The following NFKB2 variants were observed in gnomAD, a reference collection of about 807,000 sequenced individuals.
NFKB2 encodes nuclear factor kappa B subunit 2, also known as nuclear factor NF-kappa-B p100 subunit.
Under a neutral mutation model 109.3 loss-of-function variants are expected in NFKB2, and 21 were observed. The observed-to-expected ratio is 0.19, with a 90% CI of 0.14 to 0.28. The LOEUF (loss-of-function observed/expected upper bound fraction) is 0.28. Among genes scored for constraint, NFKB2 ranks in the 10% least tolerant of loss-of-function variants. The probability of loss-of-function intolerance (pLI) is 1.00; values close to 1 mark genes in which losing one functional copy is unlikely to be tolerated. For synonymous variants in NFKB2, 478 were observed against 489.9 expected (o/e 0.98, Z 0.32); for missense variants, 806 against 1,185.3 (o/e 0.68, Z 4.70).
intron 22 of NFKB2, 25 bp from the exon 23 acceptor site, chr10:102,402,227 C>A: frequency 6.4e-7 from 1 of 1,551,134 alleles, no homozygotes; most frequent in Non-Finnish European, 8.7e-7. Flanking sequence ...TTGACTATCC[C>A]ATTCCTGTCC....
In NFKB2 at chr10:102,396,529, T is replaced by C. The variant is rs772671210; in HGVS notation, c.144+40T>C. 5.0e-6 allele frequency: 8 copies of C among 1,613,118 alleles called. No homozygotes were observed. The East Asian group carries it at 6.7e-5, about 13-fold the overall frequency. The stretch of plus-strand genomic sequence containing the variant: ...GGGAGGGTGTGGAATGGCTTCAGCT[T>C]TGGGGACAAATGGGGTAGTGGTAGC... On this transcript the variant is annotated intron_variant, in intron 4 of 22. Coordinates refer to ENST00000661543, the MANE Select transcript of NFKB2 (RefSeq NM_001322934.2). The surrounding 1 kb of genome is among the most constrained non-coding windows in gnomAD (Gnocchi z 5.9).
chr10:102,401,175 C>G lies in NFKB2; in HGVS notation c.2072-5C>G, dbSNP rs1004053694. The G allele has an allele frequency of 1.9e-6, 3 of 1,591,162 alleles. No individual in the cohort carries two copies. Among genetic ancestry groups the G allele is most frequent in the Non-Finnish European group, 2.6e-6 (3 of 1,165,686 alleles). On this transcript the variant is annotated splice_polypyrimidine_tract_variant and splice_region_variant and intron_variant, in intron 18 of 22. Transcript: ENST00000661543. The surrounding 1 kb of genome is among the most constrained non-coding windows in gnomAD (Gnocchi z 4.2). ...TACCGCCCCATGACGGCCTCCCTCTCCCAGGTGCTGACATCCATGCTGAAA... is the reference window on the plus strand; with the variant it reads ...TACCGCCCCATGACGGCCTCCCTCTGCCAGGTGCTGACATCCATGCTGAAA...
chr10:102,401,137 T>C lies in NFKB2; in HGVS notation c.2072-43T>C. 6.2e-7 allele frequency: 1 copy of C among 1,604,152 alleles called. No individual in the cohort carries two copies. Among genetic ancestry groups the C allele is most frequent in the Non-Finnish European group, 8.5e-7 (1 of 1,172,960 alleles). ...TCCCCCGACTTTGCAGTCCTTAATG[T>C]AGGCCCCCACCATACCGCCCCATGA... On this transcript the variant is annotated intron_variant, in intron 18 of 22. Coordinates refer to ENST00000661543, the MANE Select transcript of NFKB2 (RefSeq NM_001322934.2). This position sits in a 1 kb window ranked among gnomAD's most constrained non-coding sequence, Gnocchi z 4.2.
At position 102,400,886 on chromosome 10, in the gene NFKB2, A is replaced by C; in HGVS notation, c.1969-61A>C. On this transcript the variant is annotated intron_variant, in intron 17 of 22. Transcript: ENST00000661543. This position sits in a 1 kb window ranked among gnomAD's most constrained non-coding sequence, Gnocchi z 6.3. ...GTGGTGGAGGGGCCAAAGATGGTGA[A>C]GGGGGGGGCTGGCCAAGGGGACCAT... 3 of 1,521,744 alleles carry C rather than the reference A, an allele frequency of 2.0e-6. No individual in the cohort carries two copies. The highest frequency in any genetic ancestry group is 1.2e-5 in the South Asian group (1 of 86,202). The allele number at this position is 1,521,744 out of a possible 1,614,324, so 94.3% of individuals were successfully genotyped here. A position where few individuals can be genotyped will look rare whatever the true frequency, so the allele number is the denominator to read the frequency against.
rs1034430487 is a variant in NFKB2, at chr10:102,400,006, A to G, written c.1470-74A>G. 5.5e-6 allele frequency: 8 copies of G among 1,446,304 alleles called. No individual in the cohort carries two copies. The highest frequency in any genetic ancestry group is 1.2e-5 in the South Asian group (1 of 85,952). The allele number at this position is 1,446,304 out of a possible 1,614,324, so 89.6% of individuals were successfully genotyped here. ...TCCATGGGCCCCAGCGAGGGAGACT[A>G]TGAGGGCGGTGGGGCCTTGAAAGCG... is the stretch of plus-strand genomic sequence containing the variant. On this transcript the variant is annotated intron_variant, in intron 14 of 22. Transcript: ENST00000661543. The surrounding 1 kb of genome is among the most constrained non-coding windows in gnomAD (Gnocchi z 6.3).
At chr10:102,394,287 C>T (rs1286306516), upstream of NFKB2, 2 of 152,268 alleles carry the variant, frequency 1.3e-5, no homozygotes, top group Non-Finnish European at 2.9e-5. Flanking sequence ...CAGCGGGTAC[C>T]TTCTCGGCGG....
Position 102,399,653 on chromosome 10 carries a change from G to A in NFKB2, c.1404G>A (p.Ala468=), listed in dbSNP as rs1160624553. The A allele has an allele frequency of 7.8e-6, 12 of 1,534,964 alleles. No homozygotes were observed. Among genetic ancestry groups the A allele is most frequent in the South Asian group, 4.8e-5 (4 of 83,052 alleles). ...ARALLDYGVT[A]DARALLAGQR... ...CCCTACTCGACTACGGCGTCACCGC[G>A]GACGCGCGCGCGCTGCTGGCGGGAC... The change falls in exon 14 of 23, where the codon GCG becomes GCA. Residue 468 remains alanine (A), a synonymous_variant. Coordinates refer to ENST00000661543, the MANE Select transcript of NFKB2 (RefSeq NM_001322934.2).
chr10:102,396,707 A>G lies in NFKB2; in HGVS notation c.145-18A>G. ...GGTCTTCCCTGATCACAATGCTACTATGCCCTTGGACCTTCAGAGAGGCTT... is the reference window on the plus strand; with the variant it reads ...GGTCTTCCCTGATCACAATGCTACTGTGCCCTTGGACCTTCAGAGAGGCTT... On this transcript the variant is annotated intron_variant, in intron 4 of 22. Transcript: ENST00000661543. This position sits in a 1 kb window ranked among gnomAD's most constrained non-coding sequence, Gnocchi z 5.9. 6.2e-7 allele frequency: 1 copy of G among 1,607,370 alleles called. No homozygotes were observed. Among genetic ancestry groups the G allele is most frequent in the Admixed American group, 1.7e-5 (1 of 59,924 alleles).
At position 102,399,627 on chromosome 10, in the gene NFKB2, G is replaced by A. The variant is rs778522439; in HGVS notation, c.1378G>A (p.Ala460Thr). ...CGGCCTGGCGCAGCGCAGCGCCCGA[G>A]CCCTACTCGACTACGGCGTCACCGC... is the stretch of plus-strand genomic sequence containing the variant. ...LFGLAQRSAR[A>T]LLDYGVTADA... Residue 460 changes from alanine (A) to threonine (T), a missense_variant, in exon 14 of 23, where the codon GCC (alanine) becomes ACC (threonine). Coordinates refer to ENST00000661543, the MANE Select transcript of NFKB2 (RefSeq NM_001322934.2). 8.4e-6 allele frequency: 13 copies of A among 1,545,262 alleles called. No individual in the cohort carries two copies. The highest frequency in any genetic ancestry group is 1.2e-5 in the South Asian group (1 of 83,774).
chr10:102,402,172 C>A lies in NFKB2; in HGVS notation c.2578+13C>A. On this transcript the variant is annotated intron_variant, in intron 22 of 22. Coordinates refer to ENST00000661543, the MANE Select transcript of NFKB2 (RefSeq NM_001322934.2). The stretch of plus-strand genomic sequence containing the variant: ...CTGCCCAGCACAGGTAAAGGGGCCT[C>A]CCTGGAAGGTGGATCTGGACCTGGA... 1 of 1,561,548 alleles carries A rather than the reference C, an allele frequency of 6.4e-7. No individual in the cohort carries two copies.
rs1379133748 is a variant in NFKB2 at position 102,396,305 on chromosome 10, T to C, written c.74T>C (p.Val25Ala). 40 of 1,613,438 alleles carry C rather than the reference T, an allele frequency of 2.5e-5. No homozygotes were observed. The highest frequency in any genetic ancestry group is 4.5e-5 in the East Asian group (2 of 44,878). ...GATTTCAAATTGAACTCCTCCATTG[T>C]GGAACCCAAGGAGCCAGCCCCAGAA... ...YDDFKLNSSI[V>A]EPKEPAPETA... The change falls in exon 3 of 23, where the codon GTG becomes GCG. Residue 25 changes from valine to alanine, a missense_variant. Transcript: ENST00000661543. This position sits in a 1 kb window ranked among gnomAD's most constrained non-coding sequence, Gnocchi z 5.9.
chr10:102,398,164 C>T lies in NFKB2; in HGVS notation c.767-48C>T. On this transcript the variant is annotated intron_variant, in intron 9 of 22. Coordinates refer to ENST00000661543, the MANE Select transcript of NFKB2 (RefSeq NM_001322934.2). The surrounding 1 kb of genome is among the most constrained non-coding windows in gnomAD (Gnocchi z 6.6). ...CAGGGAAGCTCTAGGGTAAATGGCC[C>T]CAGAGATTCCACCGGGAGCTGTGGC... is the stretch of plus-strand genomic sequence containing the variant. The T allele has an allele frequency of 1.9e-6, 3 of 1,613,150 alleles. No homozygotes were observed. Among genetic ancestry groups the T allele is most frequent in the Non-Finnish European group, 2.5e-6 (3 of 1,179,214 alleles).
chr10:102,399,633 C>T lies in NFKB2; in HGVS notation c.1384C>T (p.Leu462Phe). The T allele has an allele frequency of 1.3e-6, 2 of 1,543,544 alleles. No individual in the cohort carries two copies. The highest frequency in any genetic ancestry group is 2.5e-5 in the East Asian group (1 of 40,552). Reference sequence around the variant, plus strand: ...GGCGCAGCGCAGCGCCCGAGCCCTACTCGACTACGGCGTCACCGCGGACGC... The same window carrying T: ...GGCGCAGCGCAGCGCCCGAGCCCTATTCGACTACGGCGTCACCGCGGACGC... ...GLAQRSARAL[L>F]DYGVTADARA... Residue 462 changes from leucine to phenylalanine, a missense_variant, in exon 14 of 23, where the codon CTC becomes TTC. This residue lies in a region of NFKB2 where 209 missense variants were observed against 211.9 expected (regional missense o/e 0.99). Transcript: ENST00000661543.
rs1302676668 is a variant in NFKB2, at chr10:102,401,685, G to A, written c.2294-60G>A. On this transcript the variant is annotated intron_variant, in intron 20 of 22. Transcript: ENST00000661543. This position sits in a 1 kb window ranked among gnomAD's most constrained non-coding sequence, Gnocchi z 4.2. ...CTTGGGAGAAAGGCAGTGTTCAGGT[G>A]TCCATGTCCCCACCCAACTCTGGAG... The A allele has an allele frequency of 3.2e-6, 5 of 1,555,416 alleles. No individual in the cohort carries two copies. In the Admixed American group the frequency reaches 9.1e-5, roughly 28 times the overall value.
In NFKB2 at chr10:102,396,162, G is replaced by A; in HGVS notation, c.22-91G>A. ...CTTTCTCTTGGGTCTGAGGAGGAGG[G>A]GGGAGTGACCACTGAAGACTTGGAG... On this transcript the variant is annotated intron_variant, in intron 2 of 22. Coordinates refer to ENST00000661543, the MANE Select transcript of NFKB2 (RefSeq NM_001322934.2). This position sits in a 1 kb window ranked among gnomAD's most constrained non-coding sequence, Gnocchi z 5.9. The A allele has an allele frequency of 6.8e-7, 1 of 1,479,710 alleles. No individual in the cohort carries two copies. The highest frequency in any genetic ancestry group is 1.2e-5 in the South Asian group (1 of 83,946). The allele number at this position is 1,479,710 out of a possible 1,614,324, so 91.7% of individuals were successfully genotyped here.
chr10:102,399,727 C>T lies in NFKB2; in HGVS notation c.1469+9C>T, dbSNP rs759941890. Reference sequence around the variant, plus strand: ...GACGAGAACGGAGACACGTAGGCAACAGAGGGCCTGGCGGACGAGGCGCGG... The same window carrying T: ...GACGAGAACGGAGACACGTAGGCAATAGAGGGCCTGGCGGACGAGGCGCGG... On this transcript the variant is annotated intron_variant, in intron 14 of 22. Coordinates refer to ENST00000661543, the MANE Select transcript of NFKB2 (RefSeq NM_001322934.2). 8 of 1,461,182 alleles carry T rather than the reference C, an allele frequency of 5.5e-6. No individual in the cohort carries two copies. In the African/African-American group the frequency reaches 5.7e-5, roughly 10 times the overall value. The allele number at this position is 1,461,182 out of a possible 1,614,324, so 90.5% of individuals were successfully genotyped here.
chr10:102,400,066 T>C lies in NFKB2; in HGVS notation c.1470-14T>C, dbSNP rs777609167. The stretch of plus-strand genomic sequence containing the variant: ...CTGAGTGGCTGGGCCAGACTCTCGC[T>C]CCCCAACCCCCAGACCACTGCACCT... On this transcript the variant is annotated splice_polypyrimidine_tract_variant and intron_variant, in intron 14 of 22. Transcript: ENST00000661543. The surrounding 1 kb of genome is among the most constrained non-coding windows in gnomAD (Gnocchi z 6.3). The C allele has an allele frequency of 2.5e-6, 4 of 1,612,618 alleles. No individual in the cohort carries two copies. The South Asian group carries it at 4.4e-5, about 18-fold the overall frequency.
Position 102,398,583 on chromosome 10 carries a change from G to T in NFKB2, c.991+60G>T. The T allele has an allele frequency of 1.2e-6, 2 of 1,609,456 alleles. No homozygotes were observed. The highest frequency in any genetic ancestry group is 4.5e-5 in the East Asian group (2 of 44,824). ...GGGGGCCAGGCTGGGCTAGAAGAAG[G>T]TCCCAAGAGCTAGATGTGGGGATGC... On this transcript the variant is annotated intron_variant, in intron 11 of 22. Transcript: ENST00000661543. This position sits in a 1 kb window ranked among gnomAD's most constrained non-coding sequence, Gnocchi z 6.6.
chr10:102,399,084 G>A (rs1189179158), intron 12 of NFKB2: 1 of 719,240 alleles, frequency 1.4e-6, no homozygotes, highest in Non-Finnish European at 2.2e-6. Context: ...ATGGTGGCAG[G>A]CGCCTGTAAT....
Sources: gnomAD v4.1 joint callset for allele counts on GRCh38, gnomAD v4.1.1 for gene constraint, gnomAD v4.1.1 regional missense constraint, Gnocchi (gnomAD v3.1) non-coding constraint, MANE v1.5 for transcripts, NCBI Gene and HGNC (gene_info 2026-07-23, HGNC 2026-07-21) for gene names.